MMP13: variants seen among roughly 807,000 people sequenced by gnomAD.
MMP13 encodes the protein collagenase 3.
In MMP13, 45 loss-of-function variants were observed where a neutral mutation model predicts 52.1. That is an observed-to-expected ratio of 0.86 (90% confidence interval 0.68 to 1.11). The LOEUF is 1.11. Among genes scored for constraint, MMP13 ranks in the 50% least tolerant of loss-of-function variants. MMP13 has a pLI of 0.00. For synonymous variants in MMP13, 200 were observed against 204.4 expected, an observed-to-expected ratio of 0.98 and a Z score of 0.18; for missense variants, 576 against 583.8, an observed-to-expected ratio of 0.99 and a Z score of 0.14.
chr11:102,949,860 G>T lies in MMP13; in HGVS notation c.917+250C>A, dbSNP rs1286236215. 1.3e-5 allele frequency among the ~76,000 whole-genome samples: 2 copies of T among 152,036 alleles called. No individual in the cohort carries two copies. Among genetic ancestry groups the T allele is most frequent in the East Asian group, 1.9e-4 (1 of 5,194 alleles). ...ACAAATGGGATTTCTAGATTTTCTTGGTTATATTTATAAGAAAGACTGTAA... is the reference window on the plus strand; with the variant it reads ...ACAAATGGGATTTCTAGATTTTCTTTGTTATATTTATAAGAAAGACTGTAA... On this transcript the variant is annotated intron_variant, in intron 6 of 9. Coordinates refer to ENST00000260302, the MANE Select transcript of MMP13 (RefSeq NM_002427.4). The surrounding 1 kb of genome is among the most constrained non-coding windows in gnomAD (Gnocchi z 4.2).
intron 9 of MMP13, 35 bp from the exon 10 acceptor site, chr11:102,944,401 T>G: frequency 7.0e-7 from 1 of 1,431,320 alleles, no homozygotes; most frequent in Non-Finnish European, 9.9e-7. Context: ...TTTCAGAGTT[T>G]GAAAATAATA....
intron 4 of MMP13, among the ~76,000 whole-genome samples, chr11:102,953,331 C>T (rs655044): frequency 0.83 from 126,577 of 152,138 alleles, 52,809 homozygotes; most frequent in Middle Eastern, 0.9. Flanking sequence ...TTCACTTTTC[C>T]CTCCATAGAC....
At position 102,944,337 on chromosome 11, in the gene MMP13, G is replaced by C. The variant is rs868972105; in HGVS notation, c.1345C>G (p.Gln449Glu). Residue 449 changes from glutamine to glutamate, a missense_variant, in exon 10 of 10, where the codon CAG becomes GAG. Physicochemically the swap from Gln to Glu is conservative, Grantham distance 29 (BLOSUM62 2). Transcript: ENST00000260302. Reference sequence around the variant, plus strand: ...TTACTCCAGATGCTGTATTCAAACTGTATGGGTCCGTTGAAAAAATAGATA... The same window carrying C: ...TTACTCCAGATGCTGTATTCAAACTCTATGGGTCCGTTGAAAAAATAGATA... ...GYIYFFNGPI[Q>E]FEYSIWSNRI... 2.5e-6 allele frequency: 4 copies of C among 1,612,366 alleles called. No homozygotes were observed. The highest frequency in any genetic ancestry group is 3.4e-6 in the Non-Finnish European group (4 of 1,178,722).
At chr11:102,946,843 C>T (rs1860516254) in intron 8 of MMP13, among the ~76,000 whole-genome samples, 1 of 151,982 alleles carries the variant, frequency 6.6e-6, no homozygotes, top group African/African-American at 2.4e-5. Context: ...AGTCAAAAGG[C>T]AAAGATGATA....
At position 102,949,089 on chromosome 11, in the gene MMP13, T is replaced by C; in HGVS notation, c.987A>G (p.Glu329=). 6.2e-7 allele frequency: 1 copy of C among 1,613,844 alleles called. No homozygotes were observed. The highest frequency in any genetic ancestry group is 8.5e-7 in the Non-Finnish European group (1 of 1,179,832). ...ELFLTKSFWP[E]LPNRIDAAYE... ...ATGCAGCATCAATACGGTTGGGAAG[T>C]TCTGGCCAAAATGATTTCGTTAAAA... Residue 329 remains glutamate (E), a synonymous_variant, in exon 7 of 10, where the codon GAA becomes GAG. Transcript: ENST00000260302. This position sits in a 1 kb window ranked among gnomAD's most constrained non-coding sequence, Gnocchi z 4.2.
In MMP13 at chr11:102,949,128, A is replaced by G. The variant is rs1555017026; in HGVS notation, c.948T>C (p.Val316=). ...RFFWRLHPQQ[V]DAELFLTKSF... is the part of the protein sequence containing the mutation. Reference sequence around the variant, plus strand: ...ATTTCGTTAAAAACAGCTCCGCATCAACCTGCTGAGGATGCAGGCGCCAGA... The same window carrying G: ...ATTTCGTTAAAAACAGCTCCGCATCGACCTGCTGAGGATGCAGGCGCCAGA... The change falls in exon 7 of 10, where the codon GTT becomes GTC. Residue 316 remains valine, a synonymous_variant. Coordinates refer to ENST00000260302, the MANE Select transcript of MMP13 (RefSeq NM_002427.4). This position sits in a 1 kb window ranked among gnomAD's most constrained non-coding sequence, Gnocchi z 4.2. 1.9e-6 allele frequency: 3 copies of G among 1,613,690 alleles called. No homozygotes were observed. The highest frequency in any genetic ancestry group is 2.5e-6 in the Non-Finnish European group (3 of 1,179,796).
At chr11:102,954,127 A>G (rs1860655385) in intron 4 of MMP13, 29 bp downstream of exon 4, 1 of 1,612,240 alleles carries the variant, frequency 6.2e-7, no homozygotes. Context: ...CTAATAACAC[A>G]TAAATGATAT....
Position 102,949,302 on chromosome 11 carries a change from C to A in MMP13, c.918-144G>T. 1 of 1,008,798 alleles carries A rather than the reference C, an allele frequency of 9.9e-7. No homozygotes were observed. Among genetic ancestry groups the A allele is most frequent in the Non-Finnish European group, 1.5e-6 (1 of 672,890 alleles). The allele number at this position is 1,008,798 out of a possible 1,614,324, so 62.5% of individuals were successfully genotyped here. ...TGTGAAGGGAAAAAAAATTCCATTACCCTTTAAGCGCCAGTGACAAGTTGT... is the reference window on the plus strand; with the variant it reads ...TGTGAAGGGAAAAAAAATTCCATTAACCTTTAAGCGCCAGTGACAAGTTGT... On this transcript the variant is annotated intron_variant, in intron 6 of 9. Transcript: ENST00000260302. The surrounding 1 kb of genome is among the most constrained non-coding windows in gnomAD (Gnocchi z 4.2).
chr11:102,948,960 AG>A (rs1860561648), intron 7 of MMP13, 64 bp downstream of exon 7: 1 of 1,586,198 alleles, frequency 6.3e-7, no homozygotes. Context: ...CTGAATCTCT[AG>A]TGGCATCAAA....
At chr11:102,947,667 T>TTGTGTGTGTGTGTGTG (rs71066125) in intron 8 of MMP13, among the ~76,000 whole-genome samples, 17 of 144,912 alleles carry the variant, frequency 1.2e-4, no homozygotes, top group African/African-American at 3.3e-4. Flanking sequence ...TGTTTGAGTA[T>TTGTGTGTGTGTGTGTG]TGTGTGTGTG....
chr11:102,954,520 G>A lies in MMP13; in HGVS notation c.449C>T (p.Pro150Leu), dbSNP rs1030769829. The change falls in exon 3 of 10, where the codon CCT becomes CTT. Residue 150 changes from proline to leucine, a missense_variant. Pro to Leu is a moderately conservative substitution (Grantham distance 98, BLOSUM62 -3). Transcript: ENST00000260302. ...KAFKVWSDVT[P>L]LNFTRLHDGI... ...ATCGTGAAGTCTGGTAAAATTCAGA[G>A]GAGTTACATCGGACCAAACTTTGAA... 6.2e-7 allele frequency: 1 copy of A among 1,613,710 alleles called. No individual in the cohort carries two copies. Among genetic ancestry groups the A allele is most frequent in the Non-Finnish European group, 8.5e-7 (1 of 1,179,768 alleles).
intron 5 of MMP13, among the ~76,000 whole-genome samples, chr11:102,950,634 C>T (rs988080394): frequency 2.0e-5 from 3 of 152,140 alleles, no homozygotes; most frequent in African/African-American, 7.2e-5. Flanking sequence ...CTCCTCTTGA[C>T]TATTTTACCA....
chr11:102,943,462 G>A lies in MMP13; in HGVS notation c.*804C>T, dbSNP rs1238616933. On this transcript the variant is annotated 3_prime_UTR_variant, in exon 10 of 10. Coordinates refer to ENST00000260302, the MANE Select transcript of MMP13 (RefSeq NM_002427.4). ...AAATAATCAAATAATTTATGAAAAA[G>A]GGATGCCATGGCCTTAGACTATTTT... 6.6e-6 allele frequency: 1 copy of A among 152,108 alleles called. No individual in the cohort carries two copies. The highest frequency in any genetic ancestry group is 1.5e-5 in the Non-Finnish European group (1 of 68,018). 9.4% of individuals were successfully genotyped at this position (152,108 alleles called of 1,614,324 possible). A position where few individuals can be genotyped will look rare whatever the true frequency, so the allele number is the denominator to read the frequency against.
Position 102,943,892 on chromosome 11 carries a change from G to T in MMP13, c.*374C>A. 4.9e-6 allele frequency: 1 copy of T among 203,538 alleles called. No individual in the cohort carries two copies. The allele number at this position is 203,538 out of a possible 1,614,324, so 12.6% of individuals were successfully genotyped here. ...CTATTTTATACTTTTTAGTAAGAAT[G>T]ATTTATTCATTATATGCATGTATTT... On this transcript the variant is annotated 3_prime_UTR_variant, in exon 10 of 10. Transcript: ENST00000260302.
intron 7 of MMP13, 30 bp downstream of exon 7, chr11:102,948,995 T>C: frequency 1.2e-6 from 2 of 1,613,306 alleles, no homozygotes; most frequent in Non-Finnish European, 1.7e-6. Flanking sequence ...CCCCTGGTCT[T>C]GTGTGAGGAC....
intron 9 of MMP13, 86 bp from the exon 10 acceptor site, chr11:102,944,452 A>G: frequency 3.2e-6 from 3 of 945,948 alleles, no homozygotes; most frequent in African/African-American, 1.6e-5. Flanking sequence ...AATCTCTTAG[A>G]TCCCATTTGT....
chr11:102,944,192 C>T lies in MMP13; in HGVS notation c.*74G>A, dbSNP rs1555016370. On this transcript the variant is annotated 3_prime_UTR_variant, in exon 10 of 10. Transcript: ENST00000260302. ...AAGCTTTCTCCTGATAGCTCTTCTT[C>T]CCCTACCCCGCACTTCTGGAAGTAT... 1 of 1,101,240 alleles carries T rather than the reference C, an allele frequency of 9.1e-7. No individual in the cohort carries two copies. The highest frequency in any genetic ancestry group is 1.4e-6 in the Non-Finnish European group (1 of 719,188). The allele number at this position is 1,101,240 out of a possible 1,614,324, so 68.2% of individuals were successfully genotyped here.
intron 2 of MMP13, 65 bp from the exon 3 acceptor site, chr11:102,954,671 C>A (rs981787527): frequency 7.4e-5 from 107 of 1,439,202 alleles, no homozygotes; most frequent in Non-Finnish European, 9.9e-5. Flanking sequence ...AATACATTTT[C>A]TTGGTATATT....
intron 8 of MMP13, among the ~76,000 whole-genome samples, chr11:102,947,336 G>A (rs1176161061): frequency 6.6e-6 from 1 of 152,190 alleles, no homozygotes; most frequent in Non-Finnish European, 1.5e-5. Flanking sequence ...CACCATTTTG[G>A]GAGGCTGAGG....
Sources: allele counts gnomAD v4.1 joint callset (sites outside exome capture counted in the v4.1 genomes callset), GRCh38; gene constraint gnomAD v4.1.1; non-coding constraint Gnocchi (gnomAD v3.1); transcripts MANE v1.5; gene names NCBI Gene and HGNC (gene_info 2026-07-23, HGNC 2026-07-21).